COL23A1: variants seen among roughly 807,000 people sequenced by gnomAD.
The protein encoded by COL23A1 is collagen type XXIII alpha 1 chain, also known as collagen alpha-1(XXIII) chain.
A neutral mutation model predicts 99.3 loss-of-function variants in COL23A1; 97 were observed. The ratio of observed to expected loss-of-function variants is 0.98; its 90% CI spans 0.83 to 1.16. COL23A1 has a LOEUF of 1.16. Ranked by LOEUF, COL23A1 falls within the 50% of genes most tolerant of loss-of-function variation. COL23A1 has a pLI of 0.00. For synonymous variants in COL23A1, 320 were observed against 308.2 expected (o/e 1.04, Z -0.40); for missense variants, 762 against 757.4 (o/e 1.01, Z -0.07).
At chr5:178,269,804 C>CATCCATCG (rs1470831587) in intron 6 of COL23A1, among the ~76,000 whole-genome samples, 2 of 151,838 alleles carry the variant, frequency 1.3e-5, no homozygotes, top group Non-Finnish European at 2.9e-5. Context: ...AGCATCCATC[C>CATCCATCG]ATCCATCCAT....
At chr5:178,282,532 G>A (rs1225882973) in intron 5 of COL23A1, among the ~76,000 whole-genome samples, 1 of 152,210 alleles carries the variant, frequency 6.6e-6, no homozygotes, top group Non-Finnish European at 1.5e-5. Context: ...GAGGCTGGCT[G>A]GTTGGTGTGA....
chr5:178,244,436 C>T (rs12521401), intron 25 of COL23A1, among the ~76,000 whole-genome samples: 42,284 of 152,118 alleles, frequency 0.28, 6,541 homozygotes, highest in African/African-American at 0.42. Context: ...TCCATGGTCT[C>T]ACTAGTCAGG....
In COL23A1 at chr5:178,428,722, T is replaced by C. The variant is rs945710959; in HGVS notation, c.362-121803A>G. ...CTGCTTCTCCAGGACATTGTCACTC[T>C]CTTGGCCTGTGATCATTCATTTCAG... On this transcript the variant is annotated intron_variant, in intron 2 of 28. Transcript: ENST00000390654. This position sits in a 1 kb window ranked among gnomAD's most constrained non-coding sequence, Gnocchi z 5.0. Among the ~76,000 whole-genome samples, 1 of 152,252 alleles carries C rather than the reference T, an allele frequency of 6.6e-6. No individual in the cohort carries two copies. The highest frequency in any genetic ancestry group is 1.5e-5 in the Non-Finnish European group (1 of 68,040).
At chr5:178,343,251 C>T (rs1011456491) in intron 2 of COL23A1, among the ~76,000 whole-genome samples, 2 of 152,138 alleles carry the variant, frequency 1.3e-5, no homozygotes, top group Non-Finnish European at 2.9e-5. Context: ...CCGCCTCCAC[C>T]CCCATCAATT....
chr5:178,397,952 A>G (rs1764239796), intron 2 of COL23A1, among the ~76,000 whole-genome samples: 2 of 152,064 alleles, frequency 1.3e-5, no homozygotes, highest in South Asian at 4.1e-4. Flanking sequence ...ACACCACTGC[A>G]CTCCAGCCTG....
chr5:178,560,639 C>T (rs768512296), intron 2 of COL23A1, 43 bp downstream of exon 2: 21 of 1,571,264 alleles, frequency 1.3e-5, no homozygotes, highest in Middle Eastern at 3.9e-4. Context: ...AAGCAAACGG[C>T]GGCCGAACGC....
At chr5:178,337,345 T>C (rs1356256572) in intron 2 of COL23A1, among the ~76,000 whole-genome samples, 1 of 152,242 alleles carries the variant, frequency 6.6e-6, no homozygotes, top group Non-Finnish European at 1.5e-5. Context: ...GGAGCGTTTG[T>C]AAACCAACAG....
At chr5:178,283,846 C>A (rs1757024433) in intron 5 of COL23A1, among the ~76,000 whole-genome samples, 1 of 152,164 alleles carries the variant, frequency 6.6e-6, no homozygotes, top group African/African-American at 2.4e-5. Context: ...CAAGATACCT[C>A]CGGGAAGATG....
At chr5:178,242,454 C>G (rs1360025225) in intron 25 of COL23A1, 60 bp from the exon 26 acceptor site, 7 of 1,547,258 alleles carry the variant, frequency 4.5e-6, no homozygotes, top group Non-Finnish European at 5.3e-6. Context: ...CCCTCTGTTA[C>G]CGGCTCATCT....
intron 2 of COL23A1, among the ~76,000 whole-genome samples, chr5:178,358,670 A>G (rs1761990232): frequency 2.0e-5 from 1 of 50,678 alleles, no homozygotes; most frequent in Non-Finnish European, 3.7e-5. Context: ...GTATGTGTCT[A>G]ATGTGTATGT....
intron 2 of COL23A1, among the ~76,000 whole-genome samples, chr5:178,357,863 GTA>G (rs755396524): frequency 1.9e-4 from 29 of 149,680 alleles, no homozygotes; most frequent in Middle Eastern, 7.1e-3. Context: ...GTATGTGTAT[GTA>G]TATGTGTGTG....
At chr5:178,453,663 C>T (rs190957697) in intron 2 of COL23A1, among the ~76,000 whole-genome samples, 7 of 152,294 alleles carry the variant, frequency 4.6e-5, no homozygotes, top group African/African-American at 1.7e-4. Context: ...TTCATTGGTT[C>T]CTTCAGTCAA....
At chr5:178,569,773 G>A (rs1423898999) in intron 1 of COL23A1, among the ~76,000 whole-genome samples, 1 of 152,124 alleles carries the variant, frequency 6.6e-6, no homozygotes, top group African/African-American at 2.4e-5. Flanking sequence ...CTTGCTGGCT[G>A]TTGGCTGGGT....
chr5:178,444,743 C>G (rs992487292), intron 2 of COL23A1, among the ~76,000 whole-genome samples: 3 of 152,194 alleles, frequency 2.0e-5, no homozygotes, highest in African/African-American at 7.2e-5. Context: ...TTGCAGTGAG[C>G]TGAGATGGCG....
At chr5:178,514,716 C>T (rs1759409298) in intron 2 of COL23A1, among the ~76,000 whole-genome samples, 1 of 152,162 alleles carries the variant, frequency 6.6e-6, no homozygotes, top group South Asian at 2.1e-4. Context: ...GTGTGGGCAG[C>T]ACAGAAAAAT....
chr5:178,248,326 C>T, intron 19 of COL23A1, 72 bp from the exon 20 acceptor site: 1 of 1,191,426 alleles, frequency 8.4e-7, no homozygotes, highest in Non-Finnish European at 1.2e-6. Flanking sequence ...GCTTAGTGAC[C>T]TCCCTTCCTT....
Position 178,430,570 on chromosome 5 carries a change from G to A in COL23A1, c.362-123651C>T, listed in dbSNP as rs184393561. Among the ~76,000 whole-genome samples, 10 of 152,364 alleles carry A rather than the reference G, an allele frequency of 6.6e-5. No individual in the cohort carries two copies. The South Asian group carries it at 8.3e-4, about 13-fold the overall frequency. ...CCATGTATGTCCACGTGTGACGTGC[G>A]CAGCAGAGTGAGCACAGAGTGTGAG... is the stretch of plus-strand genomic sequence containing the variant. On this transcript the variant is annotated intron_variant, in intron 2 of 28. Transcript: ENST00000390654.
At chr5:178,283,332 T>C (rs1218330694) in intron 5 of COL23A1, among the ~76,000 whole-genome samples, 1 of 152,212 alleles carries the variant, frequency 6.6e-6, no homozygotes, top group African/African-American at 2.4e-5. Context: ...CCTGCCACAC[T>C]GACCTTGAGT....
In COL23A1 at chr5:178,306,902, C is replaced by T. The variant is rs1037559297; in HGVS notation, c.379G>A (p.Gly127Ser). ...GGGTCGCCTCTTCTCCCAGGCTTGC[C>T]GCGCCGTCCAGGGGGCCCTAGACAG... ...VCPPGPPGRR[G>S]KPGRRGDPGP... is the part of the protein sequence containing the mutation. The change falls in exon 3 of 29, where the codon GGC becomes AGC. Residue 127 changes from glycine (G) to serine (S), a missense_variant. Physicochemically the swap from Gly to Ser is moderately conservative, Grantham distance 56 (BLOSUM62 0). Coordinates refer to ENST00000390654, the MANE Select transcript of COL23A1 (RefSeq NM_173465.4). The surrounding 1 kb of genome is among the most constrained non-coding windows in gnomAD (Gnocchi z 4.1). 23 of 1,547,620 alleles carry T rather than the reference C, an allele frequency of 1.5e-5. No homozygotes were observed. The highest frequency in any genetic ancestry group is 4.2e-5 in the African/African-American group (3 of 71,336).
Sources: allele counts gnomAD v4.1 joint callset (sites outside exome capture counted in the v4.1 genomes callset), GRCh38; gene constraint gnomAD v4.1.1; non-coding constraint Gnocchi (gnomAD v3.1); transcripts MANE v1.5; gene names NCBI Gene and HGNC (gene_info 2026-07-23, HGNC 2026-07-21).